CACNA2D3: variants seen among roughly 807,000 people sequenced by gnomAD.
CACNA2D3 encodes the protein voltage-dependent calcium channel subunit alpha-2/delta-3.
In CACNA2D3, 60 loss-of-function variants were observed where a neutral mutation model predicts 160.6. That is an observed-to-expected ratio of 0.37 (90% CI 0.30 to 0.46). The LOEUF (loss-of-function observed/expected upper bound fraction) is 0.46, where lower values mean the gene tolerates loss of function less well. Among genes scored for constraint, CACNA2D3 ranks in the 20% least tolerant of loss-of-function variants. The pLI, the probability that CACNA2D3 is intolerant of heterozygous loss-of-function variation, is 1.00. For missense variants in CACNA2D3, 1,205 were observed against 1,365.0 expected, an observed-to-expected ratio of 0.88 and a Z score of 1.85; for synonymous variants, 558 against 492.9, an observed-to-expected ratio of 1.13 and a Z score of -1.75.
chr3:54,247,344 A>G (rs1702101478), intron 2 of CACNA2D3, among the ~76,000 whole-genome samples: 1 of 152,158 alleles, frequency 6.6e-6, no homozygotes, highest in Admixed American at 6.6e-5. Context: ...AAATAAAACC[A>G]AATCCCACTA....
chr3:54,169,700 TGTGTGCAA>T (rs1333693581), intron 2 of CACNA2D3, among the ~76,000 whole-genome samples: 6 of 151,700 alleles, frequency 4.0e-5, no homozygotes, highest in South Asian at 2.1e-4. Context: ...TGTGCATGTG[TGTGTGCAA>T]GTGTGCATGT....
chr3:55,004,947 A>T, intron 32 of CACNA2D3, 109 bp downstream of exon 32: 1 of 730,646 alleles, frequency 1.4e-6, no homozygotes, highest in Non-Finnish European at 2.3e-6. Flanking sequence ...TTGCAAAATC[A>T]TGAACATTTT....
intron 11 of CACNA2D3, among the ~76,000 whole-genome samples, chr3:54,719,116 A>G (rs1055937881): frequency 2.6e-4 from 39 of 147,916 alleles, no homozygotes; most frequent in African/African-American, 9.4e-4. Flanking sequence ...TACTTTCCCA[A>G]TCTATATACC....
chr3:55,030,994 C>T (rs1175115608), intron 35 of CACNA2D3, among the ~76,000 whole-genome samples: 1 of 152,148 alleles, frequency 6.6e-6, no homozygotes, highest in Non-Finnish European at 1.5e-5. Context: ...TTGTACATTT[C>T]TTAATGTGTG....
chr3:54,879,660 C>T (rs1699745406), intron 20 of CACNA2D3, among the ~76,000 whole-genome samples: 1 of 152,190 alleles, frequency 6.6e-6, no homozygotes, highest in Admixed American at 6.5e-5. Flanking sequence ...AGCAAATATG[C>T]TTTGGGGGTT....
At chr3:54,312,723 T>C (rs1309207767) in intron 2 of CACNA2D3, among the ~76,000 whole-genome samples, 1 of 152,222 alleles carries the variant, frequency 6.6e-6, no homozygotes, top group Non-Finnish European at 1.5e-5. Context: ...TGCCAAATGC[T>C]GATTCTGCTA....
chr3:54,345,955 C>G (rs575118689), intron 3 of CACNA2D3, among the ~76,000 whole-genome samples: 12 of 152,142 alleles, frequency 7.9e-5, no homozygotes, highest in South Asian at 6.2e-4. Context: ...GTCATGACAT[C>G]TGTCCTCCCA....
chr3:54,706,708 T>G (rs989019087), intron 11 of CACNA2D3, among the ~76,000 whole-genome samples: 19 of 152,176 alleles, frequency 1.2e-4, no homozygotes, highest in Non-Finnish European at 2.4e-4. Context: ...TCTCCAGCTT[T>G]AGGCCCTCAC....
chr3:54,842,540 T>C (rs543432272), intron 16 of CACNA2D3, among the ~76,000 whole-genome samples: 4 of 152,278 alleles, frequency 2.6e-5, no homozygotes, highest in South Asian at 2.1e-4. Flanking sequence ...ATGGAGGAAG[T>C]ACTGCCTCCA....
chr3:54,388,597 C>T (rs371049107), intron 4 of CACNA2D3, among the ~76,000 whole-genome samples: 29 of 152,272 alleles, frequency 1.9e-4, no homozygotes, highest in Middle Eastern at 3.4e-3. Context: ...GCTCTTTGAG[C>T]GAAGCTGCTG....
At chr3:54,673,721 A>G (rs1204033464) in intron 11 of CACNA2D3, among the ~76,000 whole-genome samples, 1 of 152,202 alleles carries the variant, frequency 6.6e-6, no homozygotes, top group Non-Finnish European at 1.5e-5. Context: ...ACATCTATAA[A>G]CCATCCTGAA....
At chr3:54,891,651 C>T (rs576198479) in intron 25 of CACNA2D3, among the ~76,000 whole-genome samples, 3 of 152,222 alleles carry the variant, frequency 2.0e-5, no homozygotes, top group Non-Finnish European at 4.4e-5. Flanking sequence ...TTCCACCACC[C>T]TTTGTTCCTC....
intron 27 of CACNA2D3, among the ~76,000 whole-genome samples, chr3:54,915,163 A>G (rs898708889): frequency 6.6e-6 from 1 of 152,204 alleles, no homozygotes; most frequent in Non-Finnish European, 1.5e-5. Flanking sequence ...ATCTTAAGCA[A>G]AAGATTCTTC....
At chr3:54,305,400 A>G (rs1278917363) in intron 2 of CACNA2D3, among the ~76,000 whole-genome samples, 1 of 152,246 alleles carries the variant, frequency 6.6e-6, no homozygotes, top group Admixed American at 6.5e-5. Context: ...TTGAGAAATC[A>G]TCATTTATTG....
At chr3:54,361,921 C>T (rs114779611) in intron 3 of CACNA2D3, among the ~76,000 whole-genome samples, 9 of 152,314 alleles carry the variant, frequency 5.9e-5, no homozygotes, top group African/African-American at 2.2e-4. Flanking sequence ...TACATGCATA[C>T]ACTTTACTCA....
At chr3:55,012,264 A>G (rs1035534843) in intron 34 of CACNA2D3, among the ~76,000 whole-genome samples, 1 of 151,926 alleles carries the variant, frequency 6.6e-6, no homozygotes, top group South Asian at 2.1e-4. Context: ...CAAGTACTCC[A>G]TGCATGGTGG....
At chr3:54,640,331 G>A (rs2106842878) in intron 10 of CACNA2D3, among the ~76,000 whole-genome samples, 1 of 152,232 alleles carries the variant, frequency 6.6e-6, no homozygotes, top group African/African-American at 2.4e-5. Flanking sequence ...TAATAGAGAA[G>A]GTTTTTACTT....
At chr3:54,906,369 A>G (rs1235319583) in intron 27 of CACNA2D3, among the ~76,000 whole-genome samples, 2 of 152,144 alleles carry the variant, frequency 1.3e-5, no homozygotes, top group Non-Finnish European at 1.5e-5. Flanking sequence ...CCATGTGCAC[A>G]TGGGTATGTG....
At chr3:54,183,087 A>C (rs1396679564) in intron 2 of CACNA2D3, among the ~76,000 whole-genome samples, 1 of 152,098 alleles carries the variant, frequency 6.6e-6, no homozygotes, top group African/African-American at 2.4e-5. Flanking sequence ...TTCCCCCCCC[A>C]AAATATTTTT....
Sources: allele counts gnomAD v4.1 joint callset (sites outside exome capture counted in the v4.1 genomes callset), GRCh38; gene constraint gnomAD v4.1.1; transcripts MANE v1.5; gene names NCBI Gene and HGNC (gene_info 2026-07-23, HGNC 2026-07-21).